CDH13: variants seen among roughly 807,000 people sequenced by gnomAD.
CDH13 encodes the protein cadherin-13.
In CDH13, 24 loss-of-function variants were observed where a neutral mutation model predicts 63.8. That is an observed-to-expected ratio of 0.38 (90% CI 0.27 to 0.53). CDH13 has a LOEUF of 0.53. Among genes scored for constraint, CDH13 ranks in the 20% least tolerant of loss-of-function variants. The pLI is 0.85. For synonymous variants in CDH13, 503 were observed against 355.3 expected, an observed-to-expected ratio of 1.42 and a Z score of -4.67; for missense variants, 1,049 against 903.1, an observed-to-expected ratio of 1.16 and a Z score of -2.07.
intron 8 of CDH13, among the ~76,000 whole-genome samples, chr16:83,618,763 C>T (rs1036759870): frequency 6.6e-6 from 1 of 151,566 alleles, no homozygotes; most frequent in African/African-American, 2.4e-5. Flanking sequence ...ATCAAGAAAA[C>T]TCAATGTTAA....
At chr16:82,819,138 A>T (rs2037873241) in intron 1 of CDH13, among the ~76,000 whole-genome samples, 1 of 152,216 alleles carries the variant, frequency 6.6e-6, no homozygotes, top group South Asian at 2.1e-4. Flanking sequence ...GATAAATTTC[A>T]TTGTTTAGAG....
At chr16:83,181,237 C>G (rs148399298) in intron 4 of CDH13, 5 of 356,834 alleles carry the variant, frequency 1.4e-5, no homozygotes, top group African/African-American at 2.1e-5. Context: ...TCTTCTCAGT[C>G]CAAGGCAGGT....
chr16:83,327,987 G>T (rs907251522), intron 5 of CDH13, among the ~76,000 whole-genome samples: 3 of 152,072 alleles, frequency 2.0e-5, no homozygotes, highest in African/African-American at 7.2e-5. Context: ...GAAAAAATTA[G>T]CAGGGTGTGG....
At chr16:83,224,965 G>A (rs537029014) in intron 5 of CDH13, among the ~76,000 whole-genome samples, 2 of 152,346 alleles carry the variant, frequency 1.3e-5, no homozygotes, top group South Asian at 2.1e-4. Context: ...ACAGTTGAAT[G>A]TCAGTAACTC....
chr16:83,392,442 T>G (rs1326356228), intron 6 of CDH13, among the ~76,000 whole-genome samples: 4 of 152,252 alleles, frequency 2.6e-5, no homozygotes, highest in Non-Finnish European at 5.9e-5. Context: ...CTGAGTGCTA[T>G]TTCATGGATT....
chr16:83,188,025 G>A (rs1348405233), intron 4 of CDH13, among the ~76,000 whole-genome samples: 10 of 152,184 alleles, frequency 6.6e-5, no homozygotes, highest in Admixed American at 6.5e-4. Context: ...AGGAAGGCTG[G>A]TATGGCTGAA....
At chr16:83,055,024 A>C (rs2030772433) in intron 3 of CDH13, among the ~76,000 whole-genome samples, 1 of 152,130 alleles carries the variant, frequency 6.6e-6, no homozygotes, top group South Asian at 2.1e-4. Context: ...AACAGAAATT[A>C]ATAACAAAAA....
chr16:83,510,830 G>C (rs1344482263), intron 7 of CDH13, among the ~76,000 whole-genome samples: 1 of 152,234 alleles, frequency 6.6e-6, no homozygotes, highest in Non-Finnish European at 1.5e-5. Flanking sequence ...AACTAAGTGA[G>C]AACAGTTACA....
intron 2 of CDH13, among the ~76,000 whole-genome samples, chr16:82,977,731 G>T (rs962543945): frequency 6.6e-6 from 1 of 152,168 alleles, no homozygotes; most frequent in Non-Finnish European, 1.5e-5. Context: ...AGGGAGCAGG[G>T]TGCTGCTCTA....
chr16:83,008,337 A>T (rs1323415041), intron 2 of CDH13, among the ~76,000 whole-genome samples: 1 of 152,130 alleles, frequency 6.6e-6, no homozygotes, highest in Admixed American at 6.6e-5. Flanking sequence ...TGCCAGAAGG[A>T]AGTTAGGAAG....
chr16:82,701,399 T>G, intron 1 of CDH13, among the ~76,000 whole-genome samples: 1 of 152,152 alleles, frequency 6.6e-6, no homozygotes, highest in Admixed American at 6.5e-5. Context: ...GTGCTCCTTC[T>G]TCTCTGGGTG....
At chr16:83,288,925 GGA>G (rs1294042562) in intron 5 of CDH13, among the ~76,000 whole-genome samples, 1 of 152,228 alleles carries the variant, frequency 6.6e-6, no homozygotes, top group African/African-American at 2.4e-5. Flanking sequence ...TTTGCATAAT[GGA>G]GATGTCACTT....
chr16:82,629,695 T>C (rs1355290474), intron 1 of CDH13, among the ~76,000 whole-genome samples: 3 of 152,196 alleles, frequency 2.0e-5, no homozygotes, highest in African/African-American at 7.2e-5. Flanking sequence ...TTGGTTGTTG[T>C]TTTAGGCATT....
At chr16:83,349,500 G>A (rs2090906848) in intron 6 of CDH13, among the ~76,000 whole-genome samples, 1 of 152,124 alleles carries the variant, frequency 6.6e-6, no homozygotes, top group Non-Finnish European at 1.5e-5. Context: ...ATTGAGGCCT[G>A]CCTGTGGTTT....
intron 4 of CDH13, among the ~76,000 whole-genome samples, chr16:83,140,255 C>G (rs959190574): frequency 6.6e-6 from 1 of 152,156 alleles, no homozygotes; most frequent in African/African-American, 2.4e-5. Context: ...CTAATCATAC[C>G]TATTCCTACA....
At chr16:82,702,565 T>C (rs1892208453) in intron 1 of CDH13, among the ~76,000 whole-genome samples, 1 of 152,198 alleles carries the variant, frequency 6.6e-6, no homozygotes, top group Non-Finnish European at 1.5e-5. Flanking sequence ...ATGAACAATT[T>C]TGGAATGTTT....
At chr16:82,782,827 T>A (rs1182374682) in intron 1 of CDH13, among the ~76,000 whole-genome samples, 2 of 152,120 alleles carry the variant, frequency 1.3e-5, no homozygotes, top group African/African-American at 2.4e-5. Flanking sequence ...GCCTTTCAGC[T>A]CCAAGTTCCT....
intron 4 of CDH13, among the ~76,000 whole-genome samples, chr16:83,151,167 C>A (rs183398905): frequency 2.0e-5 from 3 of 152,110 alleles, no homozygotes; most frequent in African/African-American, 7.2e-5. Flanking sequence ...GAGCAAGGCA[C>A]GGAATATCCC....
chr16:83,209,343 G>A (rs532333910), intron 4 of CDH13, among the ~76,000 whole-genome samples: 2 of 152,140 alleles, frequency 1.3e-5, no homozygotes, highest in African/African-American at 4.8e-5. Flanking sequence ...GAGCCTCCAG[G>A]TCGGCCACTC....
Sources: gnomAD v4.1 joint callset for allele counts (sites outside exome capture counted in the v4.1 genomes callset) on GRCh38, gnomAD v4.1.1 for gene constraint, MANE v1.5 for transcripts, NCBI Gene and HGNC (gene_info 2026-07-23, HGNC 2026-07-21) for gene names.